EXOC4: variants seen among roughly 807,000 people sequenced by gnomAD.
The protein encoded by EXOC4 is exocyst complex component 4.
A neutral mutation model predicts 107.2 loss-of-function variants in EXOC4; 71 were observed. The ratio of observed to expected loss-of-function variants is 0.66; its 90% CI spans 0.55 to 0.81. The LOEUF is 0.81. Ranked by LOEUF, EXOC4 falls within the 30% of genes least tolerant of loss-of-function variation. The pLI is 0.00. For synonymous variants in EXOC4, 456 were observed against 441.2 expected (o/e 1.03, Z -0.42); for missense variants, 1,108 against 1,189.6 (o/e 0.93, Z 1.01).
At chr7:133,910,532 G>A (rs1416538193) in intron 12 of EXOC4, among the ~76,000 whole-genome samples, 1 of 152,148 alleles carries the variant, frequency 6.6e-6, no homozygotes, top group Admixed American at 6.5e-5. Flanking sequence ...TGTCAAAGAT[G>A]TTCTGATGTT....
At chr7:133,611,339 C>T (rs765400147) in intron 9 of EXOC4, among the ~76,000 whole-genome samples, 3 of 151,978 alleles carry the variant, frequency 2.0e-5, no homozygotes, top group East Asian at 1.9e-4. Flanking sequence ...TGCTTTGGAG[C>T]AGATAGGAAA....
intron 9 of EXOC4, chr7:133,576,632 A>G: frequency 7.8e-7 from 1 of 1,289,772 alleles, no homozygotes; most frequent in Non-Finnish European, 1.0e-6. Flanking sequence ...AGCTATTGCT[A>G]AATGTGATCT....
At chr7:133,719,756 CAG>C (rs1469120974) in intron 10 of EXOC4, among the ~76,000 whole-genome samples, 5 of 152,102 alleles carry the variant, frequency 3.3e-5, no homozygotes, top group Non-Finnish European at 5.9e-5. Context: ...GGCAGAAACT[CAG>C]AAACAATACT....
chr7:133,615,437 T>A (rs1802172088), intron 9 of EXOC4, among the ~76,000 whole-genome samples: 1 of 152,226 alleles, frequency 6.6e-6, no homozygotes, highest in Non-Finnish European at 1.5e-5. Flanking sequence ...TGTTTATTTT[T>A]CTGTTTATGT....
At chr7:133,276,557 A>G (rs1305240115) in intron 2 of EXOC4, among the ~76,000 whole-genome samples, 1 of 151,892 alleles carries the variant, frequency 6.6e-6, no homozygotes, top group Admixed American at 6.6e-5. Flanking sequence ...TTAATGTGAT[A>G]TTTTGCAGAA....
chr7:134,052,100 T>C (rs915545253), intron 17 of EXOC4, among the ~76,000 whole-genome samples: 3 of 152,174 alleles, frequency 2.0e-5, no homozygotes, highest in African/African-American at 7.2e-5. Flanking sequence ...GAAGACGTCA[T>C]TGACGACCCT....
intron 1 of EXOC4, among the ~76,000 whole-genome samples, chr7:133,256,422 G>A (rs1481678847): frequency 6.6e-6 from 1 of 152,200 alleles, no homozygotes; most frequent in Non-Finnish European, 1.5e-5. Context: ...ACCCATGTTA[G>A]GCTCGTGTTT....
chr7:133,621,282 T>A (rs1176773712), intron 9 of EXOC4, among the ~76,000 whole-genome samples: 3 of 152,194 alleles, frequency 2.0e-5, no homozygotes, highest in Non-Finnish European at 4.4e-5. Context: ...TTGTTTTGTT[T>A]TCTAAACCAA....
chr7:133,647,583 C>T (rs1803024780), intron 10 of EXOC4, among the ~76,000 whole-genome samples: 1 of 152,130 alleles, frequency 6.6e-6, no homozygotes, highest in African/African-American at 2.4e-5. Flanking sequence ...AGAGCCCCAA[C>T]TCTTACCTCC....
At chr7:133,761,032 G>A (rs1234917675) in intron 10 of EXOC4, among the ~76,000 whole-genome samples, 1 of 152,126 alleles carries the variant, frequency 6.6e-6, no homozygotes, top group Admixed American at 6.5e-5. Context: ...ATTATCATGT[G>A]TTCAGCCTAT....
chr7:133,406,348 CT>C (rs557947595), intron 7 of EXOC4, among the ~76,000 whole-genome samples: 1,561 of 151,484 alleles, frequency 0.01, 11 homozygotes, highest in Middle Eastern at 0.024. Context: ...TTGAAAATCA[CT>C]TTTTTTTTGT....
chr7:134,001,068 G>A (rs911707978), intron 15 of EXOC4, among the ~76,000 whole-genome samples: 11 of 152,108 alleles, frequency 7.2e-5, no homozygotes, highest in South Asian at 6.2e-4. Context: ...TAACCACCAA[G>A]CAGCCCCTTT....
At chr7:133,515,622 A>G (rs1384727006) in intron 9 of EXOC4, among the ~76,000 whole-genome samples, 1 of 152,122 alleles carries the variant, frequency 6.6e-6, no homozygotes, top group African/African-American at 2.4e-5. Flanking sequence ...GCAAGAGCCA[A>G]CATGTCTGGC....
intron 11 of EXOC4, among the ~76,000 whole-genome samples, chr7:133,875,738 A>C (rs1414129095): frequency 1.3e-5 from 2 of 152,156 alleles, no homozygotes; most frequent in Non-Finnish European, 2.9e-5. Flanking sequence ...GCTTCCTGTA[A>C]ACCTAGCTTT....
chr7:133,763,848 C>A (rs1409760510), intron 10 of EXOC4, among the ~76,000 whole-genome samples: 1 of 151,944 alleles, frequency 6.6e-6, no homozygotes, highest in Non-Finnish European at 1.5e-5. Context: ...AGTAATATGG[C>A]AGGTTTTACT....
At position 133,882,386 on chromosome 7, in the gene EXOC4, T is replaced by A. The variant is rs1296595072; in HGVS notation, c.1735-13213T>A. Among the ~76,000 whole-genome samples, 3 of 152,198 alleles carry A rather than the reference T, an allele frequency of 2.0e-5. No homozygotes were observed. The East Asian group carries it at 5.8e-4, about 29-fold the overall frequency. ...TGCCTTCTGATAGGTGATGAATTGA[T>A]CTTAATATAGGATGTACTTAACTTT... is the stretch of plus-strand genomic sequence containing the variant. On this transcript the variant is annotated intron_variant, in intron 11 of 17. Coordinates refer to ENST00000253861, the MANE Select transcript of EXOC4 (RefSeq NM_021807.4).
At chr7:133,648,192 G>A (rs1803040882) in intron 10 of EXOC4, among the ~76,000 whole-genome samples, 1 of 152,104 alleles carries the variant, frequency 6.6e-6, no homozygotes, top group African/African-American at 2.4e-5. Flanking sequence ...ACAGATTAGG[G>A]TTGCCTCTAT....
chr7:133,925,762 A>G (rs1800036099), intron 13 of EXOC4, among the ~76,000 whole-genome samples: 1 of 152,102 alleles, frequency 6.6e-6, no homozygotes, highest in South Asian at 2.1e-4. Context: ...TGCACAATAA[A>G]GAATTAAGAT....
Position 133,608,546 on chromosome 7 carries a change from CTTTTTTTTTTTTTT to C in EXOC4, c.1418-21489_1418-21476del, listed in dbSNP as rs1161155238. 3.1e-4 allele frequency among the ~76,000 whole-genome samples: 26 copies of C among 85,020 alleles called. 1 individual carries two copies. The highest frequency in any genetic ancestry group is 1.0e-3 in the African/African-American group (22 of 21,302). The allele number at this position is 85,020 out of a possible 152,430, so 55.8% of individuals were successfully genotyped here. Reference sequence around the variant, plus strand: ...TATCTGAAGTAAATATGCTGTATTTCTTTTTTTTTTTTTTTTTTTTTTTGGAGATGGAATCTTGC... The same window carrying C: ...TATCTGAAGTAAATATGCTGTATTTCTTTTTTTTTGGAGATGGAATCTTGC... On this transcript the variant is annotated intron_variant, in intron 9 of 17. Coordinates refer to ENST00000253861, the MANE Select transcript of EXOC4 (RefSeq NM_021807.4).
Sources: allele counts gnomAD v4.1 joint callset (sites outside exome capture counted in the v4.1 genomes callset), GRCh38; gene constraint gnomAD v4.1.1; transcripts MANE v1.5; gene names NCBI Gene and HGNC (gene_info 2026-07-23, HGNC 2026-07-21).